Variants in PDE4D observed in about 807,000 individuals in gnomAD.
PDE4D encodes the protein 3',5'-cyclic-AMP phosphodiesterase 4D.
A neutral mutation model predicts 87.4 loss-of-function variants in PDE4D; 24 were observed. That is an observed-to-expected ratio of 0.27 (90% CI 0.20 to 0.39). PDE4D has a LOEUF of 0.39. Ranked by LOEUF, PDE4D falls within the 10% of genes least tolerant of loss-of-function variation. The pLI is 1.00. For missense variants in PDE4D, 714 were observed against 1,041.0 expected, an observed-to-expected ratio of 0.69 and a Z score of 4.32; for synonymous variants, 384 against 383.2, an observed-to-expected ratio of 1.00 and a Z score of -0.02.
chr5:59,685,337 G>A (rs1226524988), intron 1 of PDE4D, among the ~76,000 whole-genome samples: 3 of 152,144 alleles, frequency 2.0e-5, no homozygotes, highest in Non-Finnish European at 2.9e-5. Context: ...CAGCTCTTCT[G>A]TGGTGATAGA....
intron 1 of PDE4D, among the ~76,000 whole-genome samples, chr5:60,229,337 A>G (rs1356793630): frequency 6.6e-6 from 1 of 152,116 alleles, no homozygotes; most frequent in African/African-American, 2.4e-5. Flanking sequence ...CAACCACAAG[A>G]TCAAGTCATT....
chr5:60,060,764 C>T (rs1771306928), intron 2 of PDE4D, among the ~76,000 whole-genome samples: 1 of 151,980 alleles, frequency 6.6e-6, no homozygotes, highest in Admixed American at 6.6e-5. Flanking sequence ...TCTCAGCTTC[C>T]TTGAACTTTG....
At chr5:59,331,322 G>A (rs1474096797) in intron 1 of PDE4D, among the ~76,000 whole-genome samples, 1 of 152,120 alleles carries the variant, frequency 6.6e-6, no homozygotes, top group Non-Finnish European at 1.5e-5. Context: ...GTTTCTTCGG[G>A]AGACCTCTCC....
At chr5:59,262,001 T>C (rs1222483231) in intron 1 of PDE4D, among the ~76,000 whole-genome samples, 1 of 151,944 alleles carries the variant, frequency 6.6e-6, no homozygotes, top group Non-Finnish European at 1.5e-5. Flanking sequence ...AGGGAGGTTT[T>C]AAAATTATGT....
chr5:60,361,820 T>C (rs2149957111), intron 1 of PDE4D, among the ~76,000 whole-genome samples: 1 of 152,210 alleles, frequency 6.6e-6, no homozygotes, highest in Non-Finnish European at 1.5e-5. Flanking sequence ...GAGCAAGAAA[T>C]AAATTGTTGT....
In PDE4D at chr5:59,619,090, G is replaced by A. The variant is rs1049139133; in HGVS notation, c.455+274078C>T. 5.3e-5 allele frequency among the ~76,000 whole-genome samples: 8 copies of A among 152,202 alleles called. No individual in the cohort carries two copies. The East Asian group carries it at 1.4e-3, about 26-fold the overall frequency. ...ATAAAAAACTTTGGAGAATACTAGA[G>A]GTGAAACTGATATGACTTGACAATT... On this transcript the variant is annotated intron_variant, in intron 1 of 14. Coordinates refer to ENST00000340635, the MANE Select transcript of PDE4D (RefSeq NM_001104631.2).
chr5:59,111,886 T>C (rs1319009196), intron 5 of PDE4D, among the ~76,000 whole-genome samples: 2 of 152,242 alleles, frequency 1.3e-5, no homozygotes, highest in African/African-American at 2.4e-5. Context: ...GGCACTGTTG[T>C]GTATATATAT....
chr5:59,832,889 A>G (rs1741464374), intron 1 of PDE4D, among the ~76,000 whole-genome samples: 1 of 152,104 alleles, frequency 6.6e-6, no homozygotes. Context: ...ATCTGACTAG[A>G]ATCCCAACAT....
At chr5:59,459,724 A>C (rs560147458) in intron 1 of PDE4D, among the ~76,000 whole-genome samples, 1 of 152,312 alleles carries the variant, frequency 6.6e-6, no homozygotes, top group South Asian at 2.1e-4. Flanking sequence ...TAATTTACTC[A>C]ATCTGTTCAA....
chr5:59,079,713 G>A (rs1179790627), intron 5 of PDE4D, among the ~76,000 whole-genome samples: 3 of 142,120 alleles, frequency 2.1e-5, no homozygotes, highest in Non-Finnish European at 3.2e-5. Flanking sequence ...AATGGTGTGT[G>A]CCTATTGTCC....
At chr5:59,891,568 T>C (rs1052985013) in intron 1 of PDE4D, among the ~76,000 whole-genome samples, 1 of 152,208 alleles carries the variant, frequency 6.6e-6, no homozygotes, top group African/African-American at 2.4e-5. Context: ...TATTAATTTA[T>C]GGAAGTCTGC....
chr5:59,975,824 T>A (rs541465306), intron 3 of PDE4D, among the ~76,000 whole-genome samples: 1 of 152,334 alleles, frequency 6.6e-6, no homozygotes, highest in African/African-American at 2.4e-5. Context: ...TCCCTGGACT[T>A]TGACCTGCTG....
intron 1 of PDE4D, among the ~76,000 whole-genome samples, chr5:60,434,608 T>C (rs1033826758): frequency 5.9e-5 from 9 of 152,182 alleles, no homozygotes; most frequent in African/African-American, 2.2e-4. Context: ...AACTTAGTTT[T>C]ACTTGTTAAA....
intron 5 of PDE4D, among the ~76,000 whole-genome samples, chr5:59,145,592 G>A (rs1354490697): frequency 2.0e-5 from 3 of 152,030 alleles, no homozygotes; most frequent in African/African-American, 4.8e-5. Flanking sequence ...ATAAGAAATC[G>A]ACTGAAGTAA....
intron 1 of PDE4D, among the ~76,000 whole-genome samples, chr5:60,485,618 T>C (rs1369412332): frequency 6.6e-6 from 1 of 152,184 alleles, no homozygotes; most frequent in Non-Finnish European, 1.5e-5. Context: ...TACAGAACCT[T>C]ATCTGCAAAA....
chr5:59,931,419 A>G (rs913647743), intron 3 of PDE4D, among the ~76,000 whole-genome samples: 52 of 152,314 alleles, frequency 3.4e-4, no homozygotes, highest in African/African-American at 1.1e-3. Context: ...TCTTACAGTT[A>G]CGGAGGCTAA....
intron 1 of PDE4D, among the ~76,000 whole-genome samples, chr5:60,205,303 T>A (rs1742373553): frequency 6.6e-6 from 1 of 152,242 alleles, no homozygotes; most frequent in African/African-American, 2.4e-5. Flanking sequence ...CAGTGACAGC[T>A]GGCTTAGATG....
chr5:59,328,264 G>A (rs1000434330), intron 1 of PDE4D, among the ~76,000 whole-genome samples: 2 of 152,052 alleles, frequency 1.3e-5, no homozygotes, highest in Non-Finnish European at 2.9e-5. Flanking sequence ...CTTGTGTACT[G>A]CAGTTTTCAC....
intron 1 of PDE4D, among the ~76,000 whole-genome samples, chr5:60,470,225 C>A (rs1747711491): frequency 6.6e-6 from 1 of 152,180 alleles, no homozygotes; most frequent in African/African-American, 2.4e-5. Context: ...GGCCCTAACT[C>A]TTCAATTCTA....
Sources: allele counts gnomAD v4.1 joint callset (sites outside exome capture counted in the v4.1 genomes callset), GRCh38; gene constraint gnomAD v4.1.1; transcripts MANE v1.5; gene names NCBI Gene and HGNC (gene_info 2026-07-23, HGNC 2026-07-21).